UBQLN1: variants seen among roughly 807,000 people sequenced by gnomAD.
The protein encoded by UBQLN1 is ubiquilin 1.
In UBQLN1, 13 loss-of-function variants were observed where a neutral mutation model predicts 65.4. That is an observed-to-expected ratio of 0.20 (90% CI 0.13 to 0.32). The LOEUF is 0.32. UBQLN1 is among the 10% of genes least tolerant of loss of function. UBQLN1 has a pLI of 1.00. For missense variants in UBQLN1, 561 were observed against 724.0 expected, an observed-to-expected ratio of 0.77 and a Z score of 2.58; for synonymous variants, 267 against 247.8, an observed-to-expected ratio of 1.08 and a Z score of -0.73.
rs1205510923 is a variant in UBQLN1, at chr9:83,671,842, T to C, written c.1106-2515A>G. Among the ~76,000 whole-genome samples, 6 of 152,326 alleles carry C rather than the reference T, an allele frequency of 3.9e-5. No individual in the cohort carries two copies. In the East Asian group the frequency reaches 1.2e-3, roughly 29 times the overall value. On this transcript the variant is annotated intron_variant, in intron 6 of 10. Coordinates refer to ENST00000376395, the MANE Select transcript of UBQLN1 (RefSeq NM_013438.5). ...TGAAGAACTGAAGCTAAGAATTCAC[T>C]TCTCTCCAGAAATGAAAATTCTAGA...
At chr9:83,699,644 T>G (rs775709776) in intron 1 of UBQLN1, among the ~76,000 whole-genome samples, 1 of 152,222 alleles carries the variant, frequency 6.6e-6, no homozygotes, top group South Asian at 2.1e-4. Flanking sequence ...TGAGCCCAGC[T>G]CACATTGTAT....
chr9:83,682,498 C>G (rs1484090618), intron 3 of UBQLN1, among the ~76,000 whole-genome samples: 1 of 151,972 alleles, frequency 6.6e-6, no homozygotes, highest in Non-Finnish European at 1.5e-5. Flanking sequence ...AACAAACAAA[C>G]AAACAAACAA....
At chr9:83,672,596 CA>C (rs1831752033) in intron 6 of UBQLN1, among the ~76,000 whole-genome samples, 1 of 152,138 alleles carries the variant, frequency 6.6e-6, no homozygotes, top group African/African-American at 2.4e-5. Flanking sequence ...TTGCCAGGTA[CA>C]AGGTGGTTCC....
intron 1 of UBQLN1, among the ~76,000 whole-genome samples, chr9:83,704,348 A>T (rs1024831163): frequency 1.3e-5 from 2 of 152,074 alleles, no homozygotes; most frequent in South Asian, 4.1e-4. Flanking sequence ...TTTCTTCCAC[A>T]TTTTCCTGTA....
chr9:83,703,899 C>T (rs559340383), intron 1 of UBQLN1, among the ~76,000 whole-genome samples: 3 of 152,292 alleles, frequency 2.0e-5, no homozygotes, highest in East Asian at 3.8e-4. Context: ...AATAAATTAC[C>T]ACCTTACAAT....
chr9:83,675,435 A>G (rs2131154791), intron 6 of UBQLN1, among the ~76,000 whole-genome samples: 1 of 152,058 alleles, frequency 6.6e-6, no homozygotes, highest in Admixed American at 6.5e-5. Context: ...ATCACAAGCA[A>G]TGTCAAGGTG....
chr9:83,695,200 C>CTTT (rs1251784329), intron 1 of UBQLN1, among the ~76,000 whole-genome samples: 3 of 105,886 alleles, frequency 2.8e-5, no homozygotes, highest in African/African-American at 9.9e-5. Context: ...GGCCCTCCCA[C>CTTT]CTTTTTTTTT....
intron 1 of UBQLN1, among the ~76,000 whole-genome samples, 193 bp downstream of exon 1, chr9:83,707,307 C>CCGCCA (rs1241634629): frequency 1.3e-5 from 2 of 152,170 alleles, no homozygotes. Context: ...ACAGGCCGCG[C>CCGCCA]CGCCACGCCA....
intron 3 of UBQLN1, among the ~76,000 whole-genome samples, chr9:83,682,659 C>T (rs1831962598): frequency 1.3e-5 from 2 of 152,052 alleles, no homozygotes; most frequent in Admixed American, 1.3e-4. Flanking sequence ...CGCTGGCTTA[C>T]GATTAATAAC....
intron 3 of UBQLN1, 85 bp downstream of exon 3, chr9:83,682,866 T>C (rs72746868): frequency 0.15 from 91,599 of 614,496 alleles, 7,895 homozygotes; most frequent in Middle Eastern, 0.2. Flanking sequence ...ACATAATGTT[T>C]TATTTTCTCA....
At chr9:83,699,111 G>T (rs1832269402) in intron 1 of UBQLN1, among the ~76,000 whole-genome samples, 2 of 152,112 alleles carry the variant, frequency 1.3e-5, no homozygotes, top group African/African-American at 4.8e-5. Flanking sequence ...GGAAAATGGG[G>T]AGTTACTGTT....
intron 1 of UBQLN1, among the ~76,000 whole-genome samples, chr9:83,687,477 T>C (rs1306492805): frequency 1.3e-5 from 2 of 152,184 alleles, no homozygotes; most frequent in Non-Finnish European, 2.9e-5. Context: ...CAAACCACTC[T>C]ACCTCACTGT....
At chr9:83,707,419 C>T in intron 1 of UBQLN1, 81 bp downstream of exon 1, 1 of 1,429,892 alleles carries the variant, frequency 7.0e-7, no homozygotes, top group Non-Finnish European at 9.3e-7. Flanking sequence ...CTCTCCCAGG[C>T]CCTTCCAAAA....
chr9:83,673,568 CAAAAA>C (rs77515396), intron 6 of UBQLN1, among the ~76,000 whole-genome samples: 13 of 82,640 alleles, frequency 1.6e-4, no homozygotes, highest in African/African-American at 3.5e-4. Flanking sequence ...AAAAAAAAAA[CAAAAA>C]AAAAAAACTG....
At chr9:83,679,677 C>T in intron 4 of UBQLN1, 98 bp downstream of exon 4, 1 of 1,311,448 alleles carries the variant, frequency 7.6e-7, no homozygotes, top group East Asian at 2.4e-5. Flanking sequence ...CTCTCTTTAG[C>T]TTAACCATAC....
chr9:83,677,476 C>A (rs968587645), intron 6 of UBQLN1, among the ~76,000 whole-genome samples: 3 of 152,138 alleles, frequency 2.0e-5, no homozygotes, highest in African/African-American at 7.2e-5. Flanking sequence ...GCAGAAGAAT[C>A]ACTTGAACCC....
At chr9:83,687,825 T>C (rs1042472781) in intron 1 of UBQLN1, among the ~76,000 whole-genome samples, 5 of 152,212 alleles carry the variant, frequency 3.3e-5, no homozygotes, top group Non-Finnish European at 5.9e-5. Context: ...CCCATACACA[T>C]TGCTAACATT....
chr9:83,701,189 CTTTAAAAATAAATTCA>C (rs1832304285), intron 1 of UBQLN1, among the ~76,000 whole-genome samples: 1 of 151,800 alleles, frequency 6.6e-6, no homozygotes, highest in South Asian at 2.1e-4. Flanking sequence ...ACTGAATAAC[CTTTAAAAATAAATTCA>C]TTTAAAAATA....
Position 83,707,894 on chromosome 9 carries a change from C to A in UBQLN1, c.-215G>T. ...AGGCCCGGGTCAGGCGCTCGGCAGCCGCCGTGTGTTCAGGCGCCGCTCGCT... is the reference window on the plus strand; with the variant it reads ...AGGCCCGGGTCAGGCGCTCGGCAGCAGCCGTGTGTTCAGGCGCCGCTCGCT... On this transcript the variant is annotated 5_prime_UTR_variant, in exon 1 of 11. Transcript: ENST00000376395. 1 of 607,256 alleles carries A rather than the reference C, an allele frequency of 1.6e-6. No homozygotes were observed. Among genetic ancestry groups the A allele is most frequent in the Non-Finnish European group, 2.6e-6 (1 of 379,570 alleles). The allele number at this position is 607,256 out of a possible 1,614,324, so 37.6% of individuals were successfully genotyped here.
Sources: gnomAD v4.1 joint callset for allele counts (sites outside exome capture counted in the v4.1 genomes callset) on GRCh38, gnomAD v4.1.1 for gene constraint, MANE v1.5 for transcripts, NCBI Gene and HGNC (gene_info 2026-07-23, HGNC 2026-07-21) for gene names.